IBA57: variants seen among roughly 807,000 people sequenced by gnomAD.
The protein encoded by IBA57 is iron-sulfur cluster assembly factor IBA57.
Under a neutral mutation model 20.4 loss-of-function variants are expected in IBA57, and 20 were observed. That is an observed-to-expected ratio of 0.98 (90% CI 0.69 to 1.42). The LOEUF is 1.42. Among genes scored for constraint, IBA57 ranks in the 40% most tolerant of loss-of-function variants. IBA57 has a pLI of 0.00. For missense variants in IBA57, 608 were observed against 499.3 expected (o/e 1.22, Z -2.07); for synonymous variants, 310 against 233.9 (o/e 1.33, Z -2.97).
rs1033104624 is a variant in IBA57 at position 228,176,309 on chromosome 1, C to T, written c.*796C>T. On this transcript the variant is annotated 3_prime_UTR_variant, in exon 3 of 3. Transcript: ENST00000366711. ...CACGGGGCACAGCCTCCTGTTCACC[C>T]ACTGGCTTCCCCCTTCCCACTGAAG... is the stretch of plus-strand genomic sequence containing the variant. 6.6e-6 allele frequency: 1 copy of T among 152,348 alleles called. No homozygotes were observed. Among genetic ancestry groups the T allele is most frequent in the Admixed American group, 6.5e-5 (1 of 15,280 alleles). The allele number at this position is 152,348 out of a possible 1,614,324, so 9.4% of individuals were successfully genotyped here.
chr1:228,176,418 G>A lies in IBA57; in HGVS notation c.*905G>A, dbSNP rs2035021188. On this transcript the variant is annotated 3_prime_UTR_variant, in exon 3 of 3. Coordinates refer to ENST00000366711, the MANE Select transcript of IBA57 (RefSeq NM_001010867.4). ...AGCTCTGGTTTCATTTGGGGGAGAG[G>A]GAGGTGGGGGCTTAGTTTTTGTGAT... The A allele has an allele frequency of 2.6e-5, 4 of 153,258 alleles. No individual in the cohort carries two copies. The Admixed American group carries it at 2.6e-4, about 10-fold the overall frequency. 9.5% of individuals were successfully genotyped at this position (153,258 alleles called of 1,614,324 possible). A position where few individuals can be genotyped will look rare whatever the true frequency, so the allele number is the denominator to read the frequency against.
intron 1 of IBA57, chr1:228,171,968 C>T (rs1370768906): frequency 2.0e-5 from 3 of 152,264 alleles, no homozygotes; most frequent in Non-Finnish European, 2.9e-5. Flanking sequence ...TATGCATGCA[C>T]GTGGTTAAAA....
At chr1:228,174,199 G>GTGAC (rs1270331226) in intron 1 of IBA57, among the ~76,000 whole-genome samples, 29 of 38,982 alleles carry the variant, frequency 7.4e-4, no homozygotes, top group Non-Finnish European at 9.0e-4. Flanking sequence ...CTCGCTGTGG[G>GTGAC]CGTGGCTCGC....
chr1:228,169,245 C>T (rs902192594), intron 1 of IBA57, among the ~76,000 whole-genome samples: 1 of 152,140 alleles, frequency 6.6e-6, no homozygotes, highest in Non-Finnish European at 1.5e-5. Context: ...TCATTCCCTG[C>T]CCATCATTCC....
intron 1 of IBA57, 158 bp from the exon 2 acceptor site, chr1:228,174,534 C>G: frequency 1.6e-6 from 1 of 632,042 alleles, no homozygotes. Flanking sequence ...GACCTGGGCG[C>G]TTGCCTTAAA....
intron 1 of IBA57, among the ~76,000 whole-genome samples, chr1:228,166,711 C>T (rs2034858454): frequency 6.6e-6 from 1 of 152,238 alleles, no homozygotes; most frequent in South Asian, 2.1e-4. Flanking sequence ...TCTGTGCTGA[C>T]ATCACGACTG....
In IBA57 at chr1:228,165,813, C is replaced by T; in HGVS notation, c.-4C>T. 2 of 1,301,070 alleles carry T rather than the reference C, an allele frequency of 1.5e-6. No homozygotes were observed. The highest frequency in any genetic ancestry group is 3.1e-5 in the African/African-American group (2 of 64,868). The allele number at this position is 1,301,070 out of a possible 1,614,324, so 80.6% of individuals were successfully genotyped here. On this transcript the variant is annotated 5_prime_UTR_variant, in exon 1 of 3. Transcript: ENST00000366711. ...CCCTTCCCGCTGCCCCACTCTTGTC[C>T]AAGATGGCGACCGCGGCGCTGCTTC...
intron 1 of IBA57, among the ~76,000 whole-genome samples, chr1:228,169,390 G>A (rs1465862613): frequency 1.3e-5 from 2 of 152,184 alleles, no homozygotes; most frequent in African/African-American, 4.8e-5. Flanking sequence ...TGAAACTATA[G>A]TTATTTGGTT....
intron 1 of IBA57, among the ~76,000 whole-genome samples, chr1:228,167,301 A>G (rs1052665045): frequency 6.6e-6 from 1 of 151,210 alleles, no homozygotes; most frequent in African/African-American, 2.4e-5. Flanking sequence ...GCCGGTGTTT[A>G]TAATAAAATT....
rs769910848 is a variant in IBA57, at chr1:228,166,062, T to G, written c.246T>G (p.Ser82Arg). 54 of 1,537,596 alleles carry G rather than the reference T, an allele frequency of 3.5e-5. No homozygotes were observed. The highest frequency in any genetic ancestry group is 4.6e-5 in the Non-Finnish European group (53 of 1,145,854). ...GLLTNELPLP[S>R]PAAAGAPPAA... ...TGACCAATGAACTGCCGCTTCCGAG[T>G]CCTGCGGCCGCGGGGGCCCCGCCTG... The change falls in exon 1 of 3, where the codon AGT (serine) becomes AGG (arginine). Residue 82 changes from serine to arginine, a missense_variant. Ser to Arg is a moderately radical substitution (Grantham distance 110). Coordinates refer to ENST00000366711, the MANE Select transcript of IBA57 (RefSeq NM_001010867.4).
chr1:228,174,608 C>G, intron 1 of IBA57, 84 bp from the exon 2 acceptor site: 1 of 1,305,250 alleles, frequency 7.7e-7, no homozygotes, highest in Non-Finnish European at 1.0e-6. Flanking sequence ...CTCCTCTGCC[C>G]GGGTAAGGCG....
intron 1 of IBA57, 22 bp downstream of exon 1, chr1:228,166,179 G>A (rs772799682): frequency 4.2e-6 from 6 of 1,416,496 alleles, no homozygotes; most frequent in Non-Finnish European, 4.6e-6. Context: ...CTGGGAGGGC[G>A]CTCGGGGGCG....
chr1:228,169,619 A>C (rs1207092083), intron 1 of IBA57, among the ~76,000 whole-genome samples: 2 of 152,180 alleles, frequency 1.3e-5, no homozygotes, highest in Non-Finnish European at 1.5e-5. Flanking sequence ...AGGCAAATGT[A>C]TGATGACACA....
rs1489241275 is a variant in IBA57 at position 228,175,396 on chromosome 1, G to T, written c.954G>T (p.Gly318=). Residue 318 remains glycine, a synonymous_variant, in exon 3 of 3, where the codon GGG becomes GGT. Coordinates refer to ENST00000366711, the MANE Select transcript of IBA57 (RefSeq NM_001010867.4). Reference sequence around the variant, plus strand: ...TCAGGGCTGGCCAGGGCAACGTGGGGCTGGCCCTGCTGTGGTCAGAGAAGA... The same window carrying T: ...TCAGGGCTGGCCAGGGCAACGTGGGTCTGGCCCTGCTGTGGTCAGAGAAGA... The part of the protein sequence containing the change: ...GKFRAGQGNV[G]LALLWSEKIK... The T allele has an allele frequency of 6.2e-7, 1 of 1,612,946 alleles. No individual in the cohort carries two copies. Among genetic ancestry groups the T allele is most frequent in the Non-Finnish European group, 8.5e-7 (1 of 1,179,934 alleles).
At position 228,175,659 on chromosome 1, in the gene IBA57, GC is replaced by G. The variant is rs1462547257; in HGVS notation, c.*149del. ...ATCTGGGAAAGTCCCCCTTGTAGGTGCCCTGCCTGGCCCCACCCATGCTCAG... is the reference window on the plus strand; with the variant it reads ...ATCTGGGAAAGTCCCCCTTGTAGGTGCCTGCCTGGCCCCACCCATGCTCAG... On this transcript the variant is annotated 3_prime_UTR_variant, in exon 3 of 3. Coordinates refer to ENST00000366711, the MANE Select transcript of IBA57 (RefSeq NM_001010867.4). The G allele has an allele frequency of 1.9e-6, 2 of 1,030,134 alleles. No homozygotes were observed. The highest frequency in any genetic ancestry group is 2.8e-5 in the East Asian group (1 of 35,582). The allele number at this position is 1,030,134 out of a possible 1,614,324, so 63.8% of individuals were successfully genotyped here. A position where few individuals can be genotyped will look rare whatever the true frequency, so the allele number is the denominator to read the frequency against.
rs1017920527 is a variant in IBA57, at chr1:228,180,427, A to G, written c.*4914A>G. ...TTTATAAAAAAGATGCCACATGTTGAGTTGGGAGAGAGGTGCCCAAACCTA... is the reference window on the plus strand; with the variant it reads ...TTTATAAAAAAGATGCCACATGTTGGGTTGGGAGAGAGGTGCCCAAACCTA... On this transcript the variant is annotated 3_prime_UTR_variant, in exon 3 of 3. Coordinates refer to ENST00000366711, the MANE Select transcript of IBA57 (RefSeq NM_001010867.4). 3.9e-5 allele frequency: 6 copies of G among 152,164 alleles called. No homozygotes were observed. The highest frequency in any genetic ancestry group is 1.4e-4 in the African/African-American group (6 of 41,424). The allele number at this position is 152,164 out of a possible 1,614,324, so 9.4% of individuals were successfully genotyped here.
chr1:228,180,220 C>G lies in IBA57; in HGVS notation c.*4707C>G, dbSNP rs1421797588. 1 of 151,028 alleles carries G rather than the reference C, an allele frequency of 6.6e-6. No individual in the cohort carries two copies. Among genetic ancestry groups the G allele is most frequent in the Non-Finnish European group, 1.5e-5 (1 of 67,890 alleles). 9.4% of individuals were successfully genotyped at this position (151,028 alleles called of 1,614,324 possible). A position where few individuals can be genotyped will look rare whatever the true frequency, so the allele number is the denominator to read the frequency against. ...CGCATTTTCATACCACGAAACTGCC[C>G]TCACTCCGGAGTTTGCTGCCAGCAG... On this transcript the variant is annotated 3_prime_UTR_variant, in exon 3 of 3. Transcript: ENST00000366711.
chr1:228,166,121 T>C lies in IBA57; in HGVS notation c.305T>C (p.Val102Ala), dbSNP rs759005478. 3 of 1,536,806 alleles carry C rather than the reference T, an allele frequency of 2.0e-6. No individual in the cohort carries two copies. In the Admixed American group the frequency reaches 6.1e-5, roughly 31 times the overall value. Residue 102 changes from valine to alanine, a missense_variant, in exon 1 of 3, where the codon GTG (valine) becomes GCG (alanine). Physicochemically the swap from Val to Ala is moderately conservative, Grantham distance 64. Coordinates refer to ENST00000366711, the MANE Select transcript of IBA57 (RefSeq NM_001010867.4). ...ARAGYAHFLN[V>A]QGRTLYDVIL... ...GCGGGCTACGCCCACTTCCTGAACG[T>C]GCAGGGCCGGACGCTCTATGACGTC...
At chr1:228,166,291 G>C in intron 1 of IBA57, 134 bp downstream of exon 1, 1 of 552,474 alleles carries the variant, frequency 1.8e-6, no homozygotes, top group Non-Finnish European at 2.9e-6. Context: ...GGCCGGGATG[G>C]GGTGGAAGCT....
Sources: allele counts gnomAD v4.1 joint callset (sites outside exome capture counted in the v4.1 genomes callset), GRCh38; gene constraint gnomAD v4.1.1; transcripts MANE v1.5; gene names NCBI Gene and HGNC (gene_info 2026-07-23, HGNC 2026-07-21).